EPB41L3: variants seen among roughly 807,000 people sequenced by gnomAD.
The protein encoded by EPB41L3 is band 4.1-like protein 3.
A neutral mutation model predicts 127.1 loss-of-function variants in EPB41L3; 57 were observed. The observed-to-expected ratio is 0.45, with a 90% CI of 0.36 to 0.56. EPB41L3 has a LOEUF of 0.56. EPB41L3 is among the 20% of genes least tolerant of loss of function. The pLI, the probability that EPB41L3 is intolerant of heterozygous loss-of-function variation, is 0.00. For synonymous variants in EPB41L3, 572 were observed against 549.5 expected (o/e 1.04, Z -0.57); for missense variants, 1,273 against 1,372.2 (o/e 0.93, Z 1.14).
At chr18:5,604,503 G>C (rs1049668656) in intron 3 of EPB41L3, among the ~76,000 whole-genome samples, 1 of 151,898 alleles carries the variant, frequency 6.6e-6, no homozygotes, top group African/African-American at 2.4e-5. Flanking sequence ...ACCTGGGCTG[G>C]AGTGCAGTGG....
At position 5,473,684 on chromosome 18, in the gene EPB41L3, A is replaced by T. The variant is rs1011081966; in HGVS notation, c.381+4557T>A. Among the ~76,000 whole-genome samples, 8 of 152,220 alleles carry T rather than the reference A, an allele frequency of 5.3e-5. 1 individual carries two copies. The highest frequency in any genetic ancestry group is 4.6e-4 in the Admixed American group (7 of 15,294). On this transcript the variant is annotated intron_variant, in intron 3 of 22. Coordinates refer to ENST00000341928, the MANE Select transcript of EPB41L3 (RefSeq NM_012307.5). Reference sequence around the variant, plus strand: ...GTTACCTCCATTGCATGGAACAGAGATATTTTTATTTATTTTCTCTTTTAA... The same window carrying T: ...GTTACCTCCATTGCATGGAACAGAGTTATTTTTATTTATTTTCTCTTTTAA...
At chr18:5,424,635 A>G (rs551575993) in intron 9 of EPB41L3, among the ~76,000 whole-genome samples, 1 of 152,274 alleles carries the variant, frequency 6.6e-6, no homozygotes, top group East Asian at 1.9e-4. Context: ...CAAACACGAA[A>G]AGGGGTTTTT....
At chr18:5,432,862 C>A (rs1222402227) in intron 8 of EPB41L3, among the ~76,000 whole-genome samples, 1 of 152,216 alleles carries the variant, frequency 6.6e-6, no homozygotes, top group African/African-American at 2.4e-5. Flanking sequence ...TATTTCAGAG[C>A]TCTGATTATT....
intron 1 of EPB41L3, among the ~76,000 whole-genome samples, chr18:5,531,040 C>T (rs1158052510): frequency 6.6e-6 from 1 of 152,228 alleles, no homozygotes; most frequent in Non-Finnish European, 1.5e-5. Flanking sequence ...TGCTTTCCAG[C>T]TCTACTCCCT....
intron 3 of EPB41L3, among the ~76,000 whole-genome samples, chr18:5,591,646 T>C (rs1262593593): frequency 6.6e-6 from 1 of 152,228 alleles, no homozygotes; most frequent in Admixed American, 6.5e-5. Flanking sequence ...AATATTAGAA[T>C]ATAAAATTTC....
chr18:5,438,082 C>A lies in EPB41L3; in HGVS notation c.558G>T (p.Val186=). Residue 186 remains valine (V), a synonymous_variant, in exon 6 of 23, where the codon GTG becomes GTT. Transcript: ENST00000341928. ...RSGAWHFSFN[V]KFYPPDPAQL... ...GGGCAGGGTCTGGTGGATAAAATTTCACATTAAATGAAAAGTGCCAAGCAC... is the reference window on the plus strand; with the variant it reads ...GGGCAGGGTCTGGTGGATAAAATTTAACATTAAATGAAAAGTGCCAAGCAC... 1 of 1,613,784 alleles carries A rather than the reference C, an allele frequency of 6.2e-7. No homozygotes were observed. The highest frequency in any genetic ancestry group is 8.5e-7 in the Non-Finnish European group (1 of 1,179,930).
intron 5 of EPB41L3, 58 bp from the exon 6 acceptor site, chr18:5,438,168 G>A (rs975157327): frequency 7.9e-6 from 12 of 1,525,748 alleles, no homozygotes; most frequent in African/African-American, 2.7e-5. Flanking sequence ...GACTCTAATC[G>A]ATGGCCAGAA....
intron 3 of EPB41L3, among the ~76,000 whole-genome samples, chr18:5,603,973 T>C (rs2094619017): frequency 6.6e-6 from 1 of 152,146 alleles, no homozygotes; most frequent in Non-Finnish European, 1.5e-5. Context: ...AGTTCAAAGC[T>C]TAGCTCATTT....
intron 3 of EPB41L3, among the ~76,000 whole-genome samples, chr18:5,571,117 C>T (rs963380833): frequency 6.6e-6 from 1 of 152,182 alleles, no homozygotes; most frequent in African/African-American, 2.4e-5. Context: ...GAAAAACTGG[C>T]ATTCTGAAGC....
intron 16 of EPB41L3, chr18:5,401,082 T>C: frequency 1.5e-6 from 2 of 1,376,060 alleles, no homozygotes; most frequent in Non-Finnish European, 2.0e-6. Flanking sequence ...GAAGAGGAAG[T>C]AGACAGTTTC....
Position 5,543,654 on chromosome 18 carries a change from C to A in EPB41L3, c.-12+259G>T, listed in dbSNP as rs2093812188. On this transcript the variant is annotated intron_variant, in intron 1 of 22. Transcript: ENST00000341928. The surrounding 1 kb of genome is among the most constrained non-coding windows in gnomAD (Gnocchi z 5.2). ...GCTCTGCGCGCCGGCCCAGCCACTA[C>A]TGCGCCGCGGCGGGCGGAGCGGGCG... Among the ~76,000 whole-genome samples, 1 of 147,034 alleles carries A rather than the reference C, an allele frequency of 6.8e-6. No individual in the cohort carries two copies. The highest frequency in any genetic ancestry group is 1.5e-5 in the Non-Finnish European group (1 of 66,060).
intron 3 of EPB41L3, among the ~76,000 whole-genome samples, chr18:5,464,163 G>A (rs932176112): frequency 6.6e-6 from 1 of 152,124 alleles, no homozygotes; most frequent in Admixed American, 6.5e-5. Context: ...CACATAGTTA[G>A]AACTATTCCG....
intron 1 of EPB41L3, among the ~76,000 whole-genome samples, chr18:5,509,107 T>C (rs1204660106): frequency 1.3e-5 from 2 of 152,224 alleles, no homozygotes; most frequent in Non-Finnish European, 2.9e-5. Context: ...AAATTGTTCA[T>C]AAACATTCAA....
At chr18:5,458,708 C>T (rs1030854395) in intron 3 of EPB41L3, among the ~76,000 whole-genome samples, 3 of 120,182 alleles carry the variant, frequency 2.5e-5, no homozygotes, top group African/African-American at 9.9e-5. Context: ...GGTCTTGTAC[C>T]TAAAAAGACT....
intron 8 of EPB41L3, among the ~76,000 whole-genome samples, chr18:5,432,289 C>T (rs2079108238): frequency 6.6e-6 from 1 of 152,164 alleles, no homozygotes; most frequent in African/African-American, 2.4e-5. Flanking sequence ...AGCTGAAATT[C>T]TCTTCATTTC....
chr18:5,428,778 A>G (rs1396076248), intron 8 of EPB41L3, among the ~76,000 whole-genome samples: 3 of 152,190 alleles, frequency 2.0e-5, no homozygotes, highest in African/African-American at 7.2e-5. Flanking sequence ...CACAGTTCTC[A>G]CTTGTCAATT....
chr18:5,615,234 T>C (rs1014691077), intron 1 of EPB41L3, among the ~76,000 whole-genome samples: 3 of 152,190 alleles, frequency 2.0e-5, no homozygotes, highest in African/African-American at 7.2e-5. Flanking sequence ...ATATTTTCCT[T>C]TTTCTTCTCC....
At chr18:5,439,039 G>A (rs777743428) in intron 5 of EPB41L3, among the ~76,000 whole-genome samples, 16 of 150,836 alleles carry the variant, frequency 1.1e-4, no homozygotes, top group Non-Finnish European at 1.8e-4. Flanking sequence ...CTGTTCTTCC[G>A]GCCTTCAAAT....
chr18:5,620,602 G>C (rs955413267), intron 1 of EPB41L3, among the ~76,000 whole-genome samples: 2 of 152,152 alleles, frequency 1.3e-5, no homozygotes, highest in East Asian at 3.8e-4. Context: ...TGTAGATGAT[G>C]TTGTAACATG....
Sources: allele counts gnomAD v4.1 joint callset (sites outside exome capture counted in the v4.1 genomes callset), GRCh38; gene constraint gnomAD v4.1.1; non-coding constraint Gnocchi (gnomAD v3.1); transcripts MANE v1.5; gene names NCBI Gene and HGNC (gene_info 2026-07-23, HGNC 2026-07-21).